Variants in UBASH3B observed in about 807,000 individuals in gnomAD.
UBASH3B encodes ubiquitin-associated and SH3 domain-containing protein B.
In UBASH3B, 37 loss-of-function variants were observed where a neutral mutation model predicts 83.4. The observed-to-expected ratio is 0.44, with a 90% CI of 0.34 to 0.58. The LOEUF (loss-of-function observed/expected upper bound fraction) is 0.58, where lower values mean the gene tolerates loss of function less well. Among genes scored for constraint, UBASH3B ranks in the 20% least tolerant of loss-of-function variants. The pLI is 0.01. For synonymous variants in UBASH3B, 304 were observed against 318.3 expected (o/e 0.96, Z 0.48); for missense variants, 657 against 827.2 (o/e 0.79, Z 2.52).
intron 1 of UBASH3B, among the ~76,000 whole-genome samples, chr11:122,748,183 A>G (rs1540113): frequency 0.97 from 147,086 of 152,370 alleles, 71,215 homozygotes; most frequent in Middle Eastern, 1. Flanking sequence ...TAAAACTGAC[A>G]AAATCCATCA....
chr11:122,783,777 G>GCCAAC lies in UBASH3B; in HGVS notation c.771+555_771+556insCCAAC, dbSNP rs548390928. Among the ~76,000 whole-genome samples the GCCAAC allele has an allele frequency of 2.2e-4, 34 of 152,212 alleles. No individual in the cohort carries two copies. The East Asian group carries it at 3.9e-3, about 17-fold the overall frequency. ...AGACACACATGAAAAGAAAACTCAA[G>GCCAAC]TCACCTCTTGTGAGAGTTTCTGCAC... On this transcript the variant is annotated intron_variant, in intron 5 of 13. Coordinates refer to ENST00000284273, the MANE Select transcript of UBASH3B (RefSeq NM_032873.5).
intron 1 of UBASH3B, among the ~76,000 whole-genome samples, chr11:122,705,820 C>T (rs1326787980): frequency 6.6e-6 from 1 of 152,188 alleles, no homozygotes; most frequent in Admixed American, 6.5e-5. Flanking sequence ...GTCCCATCTT[C>T]GTTCAACTTT....
intron 1 of UBASH3B, among the ~76,000 whole-genome samples, chr11:122,668,946 G>T (rs1402761217): frequency 6.6e-6 from 1 of 152,156 alleles, no homozygotes; most frequent in African/African-American, 2.4e-5. Context: ...CACTCGAGAA[G>T]CCATCTCCAC....
Position 122,759,641 on chromosome 11 carries a change from T to G in UBASH3B, c.162-16578T>G, listed in dbSNP as rs1861338299. Among the ~76,000 whole-genome samples, 1 of 152,156 alleles carries G rather than the reference T, an allele frequency of 6.6e-6. No homozygotes were observed. The highest frequency in any genetic ancestry group is 2.1e-4 in the South Asian group (1 of 4,828). Reference sequence around the variant, plus strand: ...GAGACAATGACAGACTATCAGGCATTAGATTCTCCTGAGGAGCCTGCAACC... The same window carrying G: ...GAGACAATGACAGACTATCAGGCATGAGATTCTCCTGAGGAGCCTGCAACC... On this transcript the variant is annotated intron_variant, in intron 1 of 13. Coordinates refer to ENST00000284273, the MANE Select transcript of UBASH3B (RefSeq NM_032873.5). This position sits in a 1 kb window ranked among gnomAD's most constrained non-coding sequence, Gnocchi z 4.1.
chr11:122,679,012 C>T (rs189998020), intron 1 of UBASH3B, among the ~76,000 whole-genome samples: 1 of 152,256 alleles, frequency 6.6e-6, no homozygotes, highest in Admixed American at 6.5e-5. Context: ...AGTGTCATAA[C>T]CATGTAATTC....
At chr11:122,687,095 C>G (rs1312929060) in intron 1 of UBASH3B, among the ~76,000 whole-genome samples, 1 of 152,092 alleles carries the variant, frequency 6.6e-6, no homozygotes, top group East Asian at 1.9e-4. Context: ...TCTCGAACTC[C>G]CGACCTCAAG....
chr11:122,716,868 C>T (rs189874262), intron 1 of UBASH3B, among the ~76,000 whole-genome samples: 30 of 152,146 alleles, frequency 2.0e-4, no homozygotes, highest in African/African-American at 5.8e-4. Context: ...CCTTTTCTCT[C>T]GGTAGAAGCT....
intron 1 of UBASH3B, among the ~76,000 whole-genome samples, chr11:122,740,096 G>C (rs111335232): frequency 2.6e-5 from 4 of 152,288 alleles, no homozygotes; most frequent in African/African-American, 7.2e-5. Context: ...AATATTGAGT[G>C]TCTGCTTGGT....
At chr11:122,798,810 C>T in intron 9 of UBASH3B, 132 bp from the exon 10 acceptor site, 1 of 594,314 alleles carries the variant, frequency 1.7e-6, no homozygotes, top group Non-Finnish European at 3.0e-6. Context: ...GCTGAAACTA[C>T]TGGCTCTATG....
chr11:122,690,553 A>C (rs1863881645), intron 1 of UBASH3B, among the ~76,000 whole-genome samples: 1 of 151,956 alleles, frequency 6.6e-6, no homozygotes, highest in Non-Finnish European at 1.5e-5. Context: ...CAGCGGCCTC[A>C]AAGATGGGGT....
chr11:122,789,335 C>T, intron 6 of UBASH3B, 27 bp downstream of exon 6: 3 of 1,611,908 alleles, frequency 1.9e-6, no homozygotes, highest in Non-Finnish European at 2.5e-6. Flanking sequence ...ACCTTTATGC[C>T]ATTTGAAGAA....
chr11:122,799,174 G>A, intron 10 of UBASH3B, 140 bp downstream of exon 10: 1 of 743,278 alleles, frequency 1.3e-6, no homozygotes, highest in Non-Finnish European at 2.2e-6. Flanking sequence ...TCTTTCAGAA[G>A]GCGATCTTTG....
At chr11:122,737,012 TC>T (rs539320861) in intron 1 of UBASH3B, among the ~76,000 whole-genome samples, 21 of 152,216 alleles carry the variant, frequency 1.4e-4, no homozygotes, top group African/African-American at 4.8e-4. Context: ...GAAAGAATGT[TC>T]CTGAAGAAAG....
intron 1 of UBASH3B, among the ~76,000 whole-genome samples, chr11:122,735,335 G>T (rs1446251821): frequency 6.6e-6 from 1 of 152,148 alleles, no homozygotes; most frequent in African/African-American, 2.4e-5. Flanking sequence ...GTAACAGAAA[G>T]CTAGTGTAAT....
chr11:122,720,393 G>A (rs1860604055), intron 1 of UBASH3B, among the ~76,000 whole-genome samples: 1 of 152,088 alleles, frequency 6.6e-6, no homozygotes, highest in South Asian at 2.1e-4. Flanking sequence ...TATTGCAATT[G>A]CCTCCAAACT....
chr11:122,804,372 G>A (rs1861303622), intron 11 of UBASH3B, among the ~76,000 whole-genome samples: 1 of 152,106 alleles, frequency 6.6e-6, no homozygotes, highest in Non-Finnish European at 1.5e-5. Flanking sequence ...GAGAATGCAG[G>A]ATATGGGCAA....
chr11:122,663,637 G>A (rs1342669261), intron 1 of UBASH3B, among the ~76,000 whole-genome samples: 1 of 152,168 alleles, frequency 6.6e-6, no homozygotes, highest in Non-Finnish European at 1.5e-5. Flanking sequence ...TACTATCACT[G>A]CCTCCCCAAT....
chr11:122,697,429 C>T (rs958258623), intron 1 of UBASH3B, among the ~76,000 whole-genome samples: 2 of 152,204 alleles, frequency 1.3e-5, no homozygotes, highest in South Asian at 2.1e-4. Context: ...AGCAAAACTA[C>T]GTCTCAAATA....
At chr11:122,781,580 C>G (rs998789729) in intron 4 of UBASH3B, among the ~76,000 whole-genome samples, 1 of 152,226 alleles carries the variant, frequency 6.6e-6, no homozygotes, top group African/African-American at 2.4e-5. Context: ...CTTCGTTTCT[C>G]TGCTGTTGTG....
Sources: gnomAD v4.1 joint callset for allele counts (sites outside exome capture counted in the v4.1 genomes callset) on GRCh38, gnomAD v4.1.1 for gene constraint, Gnocchi (gnomAD v3.1) non-coding constraint, MANE v1.5 for transcripts, NCBI Gene and HGNC (gene_info 2026-07-23, HGNC 2026-07-21) for gene names.